Variants in ACVR1 observed in about 807,000 individuals in gnomAD.
ACVR1 encodes activin receptor type-1.
Under a neutral mutation model 57.1 loss-of-function variants are expected in ACVR1, and 38 were observed. The observed-to-expected ratio is 0.67, with a 90% CI of 0.51 to 0.87. The LOEUF is 0.87. Among genes scored for constraint, ACVR1 ranks in the 40% least tolerant of loss-of-function variants. The pLI is 0.00. For synonymous variants in ACVR1, 212 were observed against 228.1 expected (o/e 0.93, Z 0.63); for missense variants, 463 against 638.2 (o/e 0.73, Z 2.96).
At chr2:157,788,996 G>C (rs771517356) in intron 3 of ACVR1, among the ~76,000 whole-genome samples, 2 of 152,156 alleles carry the variant, frequency 1.3e-5, no homozygotes, top group Non-Finnish European at 2.9e-5. Context: ...TTTATAACTT[G>C]ATCTTTGCTT....
At chr2:157,753,303 G>A (rs988098860) in intron 9 of ACVR1, among the ~76,000 whole-genome samples, 5 of 152,230 alleles carry the variant, frequency 3.3e-5, no homozygotes, top group Admixed American at 1.3e-4. Context: ...GCCGAGGCGG[G>A]CAGATCACAA....
chr2:157,754,630 A>G (rs1488112155), intron 9 of ACVR1, among the ~76,000 whole-genome samples: 1 of 151,994 alleles, frequency 6.6e-6, no homozygotes, highest in Non-Finnish European at 1.5e-5. Flanking sequence ...ATTACCAATG[A>G]AAAAAAAGTC....
intron 2 of ACVR1, among the ~76,000 whole-genome samples, chr2:157,806,216 T>C (rs1479200630): frequency 6.6e-6 from 1 of 152,168 alleles, no homozygotes; most frequent in Non-Finnish European, 1.5e-5. Flanking sequence ...TTACTCATGG[T>C]TATTTAATAC....
At chr2:157,776,834 T>C (rs898995141) in intron 5 of ACVR1, among the ~76,000 whole-genome samples, 3 of 152,260 alleles carry the variant, frequency 2.0e-5, no homozygotes, top group African/African-American at 7.2e-5. Flanking sequence ...TGAAGCTTGC[T>C]GTCTAGCAGA....
chr2:157,738,352 C>G, intron 10 of ACVR1, 88 bp downstream of exon 10: 1 of 1,582,368 alleles, frequency 6.3e-7, no homozygotes, highest in South Asian at 1.1e-5. Context: ...GGACAGATCA[C>G]TCAGATGCAA....
intron 1 of ACVR1, among the ~76,000 whole-genome samples, chr2:157,857,595 C>T (rs77746223): frequency 0.026 from 3,911 of 152,180 alleles, 170 homozygotes; most frequent in African/African-American, 0.087. Flanking sequence ...TCTGCCCTGC[C>T]TCCGTACAAG....
intron 5 of ACVR1, among the ~76,000 whole-genome samples, chr2:157,775,235 T>C (rs1246474248): frequency 6.6e-6 from 1 of 152,218 alleles, no homozygotes; most frequent in Non-Finnish European, 1.5e-5. Flanking sequence ...AAAGCTTTCA[T>C]TGAAAACATA....
intron 1 of ACVR1, among the ~76,000 whole-genome samples, chr2:157,854,198 G>GT (rs1689423026): frequency 8.7e-6 from 1 of 114,482 alleles, no homozygotes; most frequent in Admixed American, 8.1e-5. Flanking sequence ...CCCTAAAGGA[G>GT]TAAAAAAAAA....
intron 1 of ACVR1, among the ~76,000 whole-genome samples, chr2:157,865,305 G>A (rs148489867): frequency 7.2e-5 from 11 of 152,236 alleles, no homozygotes; most frequent in African/African-American, 2.4e-4. Context: ...CAGACAACAG[G>A]CTAGCATTTG....
rs1195413295 is a variant in ACVR1, at chr2:157,876,117, G to A, written c.-504C>T. ...GGGGGAAAGAGCCGGGGGAGGGCGG[G>A]GAGGCGGGGTGAAGAGGAGGAGGAA... On this transcript the variant is annotated 5_prime_UTR_variant, in exon 1 of 11. Coordinates refer to ENST00000434821, the MANE Select transcript of ACVR1 (RefSeq NM_001111067.4). Among the ~76,000 whole-genome samples the A allele has an allele frequency of 9.3e-5, 14 of 150,590 alleles. No homozygotes were observed. Among genetic ancestry groups the A allele is most frequent in the African/African-American group, 3.2e-4 (13 of 41,194 alleles).
Position 157,766,965 on chromosome 2 carries a change from A to G in ACVR1, c.791-769T>C, listed in dbSNP as rs188620522. Among the ~76,000 whole-genome samples the G allele has an allele frequency of 3.7e-3, 558 of 152,360 alleles. 2 individuals carry two copies. The highest frequency in any genetic ancestry group is 6.4e-3 in the Non-Finnish European group (433 of 68,032). On this transcript the variant is annotated intron_variant, in intron 7 of 10. Transcript: ENST00000434821. Reference sequence around the variant, plus strand: ...GCTTCCATTAGGAAGTGGCAACTCAACTGGTCTTGAAGTAAAGTGAGTGAC... The same window carrying G: ...GCTTCCATTAGGAAGTGGCAACTCAGCTGGTCTTGAAGTAAAGTGAGTGAC...
intron 1 of ACVR1, among the ~76,000 whole-genome samples, chr2:157,837,484 T>TA (rs923096280): frequency 5.9e-5 from 9 of 152,108 alleles, no homozygotes; most frequent in East Asian, 5.8e-4. Context: ...GATGCTTTTT[T>TA]AAAAAAAACT....
At chr2:157,809,976 TG>T (rs1453933493) in intron 2 of ACVR1, among the ~76,000 whole-genome samples, 1 of 152,126 alleles carries the variant, frequency 6.6e-6, no homozygotes, top group Admixed American at 6.5e-5. Flanking sequence ...CTCTGGAGGC[TG>T]GGACGACAAG....
Position 157,780,494 on chromosome 2 carries a change from G to A in ACVR1, c.174C>T (p.Ser58=), listed in dbSNP as rs2228947. Residue 58 remains serine (S), a synonymous_variant, in exon 4 of 11, where the codon AGC becomes AGT. Coordinates refer to ENST00000434821, the MANE Select transcript of ACVR1 (RefSeq NM_001111067.4). ...GGTAGACGTGGAAGCCATCGTTGAT[G>A]CTCAGTGAGGAAAAGCACTGCTGGC... ...CEGQQCFSSL[S]INDGFHVYQK... is the part of the protein sequence containing the mutation. The A allele has an allele frequency of 6.2e-7, 1 of 1,613,978 alleles. No homozygotes were observed. The highest frequency in any genetic ancestry group is 8.5e-7 in the Non-Finnish European group (1 of 1,180,032).
intron 4 of ACVR1, 26 bp downstream of exon 4, chr2:157,780,311 C>G (rs367905702): frequency 4.0e-5 from 64 of 1,613,946 alleles, no homozygotes; most frequent in Non-Finnish European, 5.3e-5. Context: ...ACCCCTTGAT[C>G]TAGAAATAGA....
At chr2:157,804,403 A>T (rs1559066935) in intron 2 of ACVR1, among the ~76,000 whole-genome samples, 1 of 152,230 alleles carries the variant, frequency 6.6e-6, no homozygotes, top group East Asian at 1.9e-4. Flanking sequence ...TTTTATGAAT[A>T]CAGCTAAATA....
At chr2:157,799,048 C>T (rs902359448) in intron 3 of ACVR1, among the ~76,000 whole-genome samples, 5 of 151,970 alleles carry the variant, frequency 3.3e-5, no homozygotes, top group Admixed American at 6.6e-5. Flanking sequence ...AGGTGCCCGC[C>T]ACCATGCCTG....
chr2:157,778,097 T>G (rs146579131), intron 5 of ACVR1, 34 bp downstream of exon 5: 2 of 1,608,890 alleles, frequency 1.2e-6, no homozygotes, highest in East Asian at 4.5e-5. Flanking sequence ...ACACCTTCCT[T>G]ATGCTTGGGA....
intron 4 of ACVR1, among the ~76,000 whole-genome samples, chr2:157,779,137 A>G (rs1000710015): frequency 2.6e-5 from 4 of 151,860 alleles, no homozygotes; most frequent in African/African-American, 9.7e-5. Context: ...GGCCACGCTA[A>G]TCAGATTAGA....
Sources: gnomAD v4.1 joint callset for allele counts (sites outside exome capture counted in the v4.1 genomes callset) on GRCh38, gnomAD v4.1.1 for gene constraint, MANE v1.5 for transcripts, NCBI Gene and HGNC (gene_info 2026-07-23, HGNC 2026-07-21) for gene names.